CACNA1E: variants seen among roughly 807,000 people sequenced by gnomAD.
CACNA1E encodes voltage-dependent R-type calcium channel subunit alpha-1E.
CACNA1E carries 40 observed loss-of-function variants against 259.2 expected under a neutral mutation model. That is an observed-to-expected ratio of 0.15 (90% CI 0.12 to 0.20). CACNA1E has a LOEUF of 0.20. Ranked by LOEUF, CACNA1E falls within the 10% of genes least tolerant of loss-of-function variation. The pLI is 1.00. For synonymous variants in CACNA1E, 1,104 were observed against 1,138.5 expected, an observed-to-expected ratio of 0.97 and a Z score of 0.61; for missense variants, 1,874 against 3,040.1, an observed-to-expected ratio of 0.62 and a Z score of 9.02.
chr1:181,698,385 C>T (rs898136007), intron 7 of CACNA1E, among the ~76,000 whole-genome samples: 22 of 152,184 alleles, frequency 1.4e-4, no homozygotes, highest in African/African-American at 3.6e-4. Context: ...CCATACTAGG[C>T]GCCATGACTG....
chr1:181,678,826 G>T (rs1649635801), intron 7 of CACNA1E, among the ~76,000 whole-genome samples: 1 of 152,170 alleles, frequency 6.6e-6, no homozygotes, highest in Admixed American at 6.5e-5. Flanking sequence ...TTGATTAAAT[G>T]ATGTAATGAA....
rs1028123239 is a variant in CACNA1E at position 181,757,220 on chromosome 1, CTTGA to C, written c.4329+97_4329+100del. 36 of 810,828 alleles carry C rather than the reference CTTGA, an allele frequency of 4.4e-5. No individual in the cohort carries two copies. The African/African-American group carries it at 5.8e-4, about 13-fold the overall frequency. The allele number at this position is 810,828 out of a possible 1,614,324, so 50.2% of individuals were successfully genotyped here. ...AGAAAGGAGGACTGCATTTTCTTAA[CTTGA>C]TTAAGAATTATAGAGAGAAGATGGG... is the stretch of plus-strand genomic sequence containing the variant. On this transcript the variant is annotated intron_variant, in intron 30 of 47. Transcript: ENST00000367573.
chr1:181,747,109 A>G (rs1404026675), intron 25 of CACNA1E, among the ~76,000 whole-genome samples: 3 of 152,218 alleles, frequency 2.0e-5, no homozygotes, highest in African/African-American at 7.2e-5. Flanking sequence ...TGACCCCTCC[A>G]TCTACCTTTC....
Position 181,473,999 on chromosome 1 carries a change from A to G in CACNA1E, c.435-9745A>G, listed in dbSNP as rs529319222. ...GCATGGAGCCTTGCACATTGTAAGTATTTAATACCTAGGACAAATAATATT... is the reference window on the plus strand; with the variant it reads ...GCATGGAGCCTTGCACATTGTAAGTGTTTAATACCTAGGACAAATAATATT... On this transcript the variant is annotated intron_variant, in intron 2 of 11. Transcript: ENST00000524607. Among the ~76,000 whole-genome samples, 76 of 152,350 alleles carry G rather than the reference A, an allele frequency of 5.0e-4. 1 individual carries two copies. The South Asian group carries it at 0.015, about 29-fold the overall frequency.
intron 1 of CACNA1E, among the ~76,000 whole-genome samples, chr1:181,395,694 G>A (rs561941200): frequency 1.3e-5 from 2 of 152,176 alleles, no homozygotes; most frequent in African/African-American, 4.8e-5. Flanking sequence ...AGCGGCATGA[G>A]GGCCTCCAGC....
intron 1 of CACNA1E, among the ~76,000 whole-genome samples, chr1:181,395,834 G>A (rs1395887257): frequency 6.6e-6 from 1 of 152,248 alleles, no homozygotes; most frequent in Non-Finnish European, 1.5e-5. Context: ...GGGGGCAAGA[G>A]TGATCAATTA....
intron 3 of CACNA1E, among the ~76,000 whole-genome samples, chr1:181,576,299 C>T (rs956520336): frequency 2.0e-5 from 3 of 152,224 alleles, no homozygotes; most frequent in Non-Finnish European, 4.4e-5. Flanking sequence ...CTCTTTACTT[C>T]CTAATGATGC....
At chr1:181,733,845 G>A in intron 21 of CACNA1E, 95 bp downstream of exon 21, 1 of 920,138 alleles carries the variant, frequency 1.1e-6, no homozygotes, top group South Asian at 2.8e-5. Context: ...GCACCACCAG[G>A]AGGAGTAAAT....
chr1:181,719,009 A>G (rs1654187183), intron 12 of CACNA1E, among the ~76,000 whole-genome samples: 2 of 152,184 alleles, frequency 1.3e-5, no homozygotes, highest in African/African-American at 4.8e-5. Context: ...AAAGATTTTG[A>G]ACACTTGCTA....
chr1:181,641,422 C>T (rs1657734554), intron 6 of CACNA1E, among the ~76,000 whole-genome samples: 1 of 152,198 alleles, frequency 6.6e-6, no homozygotes, highest in Non-Finnish European at 1.5e-5. Flanking sequence ...CCACCAAAGG[C>T]AGCCCACTGT....
rs1435989250 is a variant in CACNA1E at position 181,734,686 on chromosome 1, C to A, written c.3262+936C>A. ...CCACACCCTACCCTTGCCCTGACCC[C>A]ATACCCGATCCCTGCCCTGACCCCA... On this transcript the variant is annotated intron_variant, in intron 21 of 47. Transcript: ENST00000367573. 4.2e-5 allele frequency among the ~76,000 whole-genome samples: 6 copies of A among 141,686 alleles called. 1 individual carries two copies. Among genetic ancestry groups the A allele is most frequent in the Admixed American group, 3.5e-4 (5 of 14,302 alleles). The allele number at this position is 141,686 out of a possible 152,430, so 93.0% of individuals were successfully genotyped here. A position where few individuals can be genotyped will look rare whatever the true frequency, so the allele number is the denominator to read the frequency against.
At chr1:181,376,600 G>A (rs1399765879) in intron 1 of CACNA1E, among the ~76,000 whole-genome samples, 1 of 152,208 alleles carries the variant, frequency 6.6e-6, no homozygotes, top group Non-Finnish European at 1.5e-5. Flanking sequence ...GCTTGGGGCA[G>A]GAGAGGGTGA....
chr1:181,611,340 A>G (rs1489407626), intron 6 of CACNA1E, among the ~76,000 whole-genome samples: 1 of 151,802 alleles, frequency 6.6e-6, no homozygotes, highest in African/African-American at 2.4e-5. Flanking sequence ...CATGGTGGGC[A>G]CTGCTCTAAG....
chr1:181,548,386 A>T (rs12028828), intron 3 of CACNA1E, among the ~76,000 whole-genome samples: 2,159 of 152,180 alleles, frequency 0.014, 64 homozygotes, highest in East Asian at 0.14. Flanking sequence ...TTGGCCTCCC[A>T]AAGTGCTGGG....
chr1:181,508,412 G>T (rs1005089596), intron 1 of CACNA1E, among the ~76,000 whole-genome samples: 3 of 152,252 alleles, frequency 2.0e-5, no homozygotes, highest in Middle Eastern at 3.4e-3. Context: ...TGGATCCATC[G>T]CCCAAGCATG....
chr1:181,351,835 A>T (rs550280253), intron 1 of CACNA1E, among the ~76,000 whole-genome samples: 1 of 152,282 alleles, frequency 6.6e-6, no homozygotes, highest in South Asian at 2.1e-4. Context: ...CCATCTCAAG[A>T]TCCTCAACTC....
At chr1:181,491,337 G>A (rs531588993) in intron 1 of CACNA1E, among the ~76,000 whole-genome samples, 10 of 152,254 alleles carry the variant, frequency 6.6e-5, no homozygotes, top group East Asian at 1.9e-4. Context: ...TCACCTGGAG[G>A]GCTTGTTAAA....
At chr1:181,447,579 T>G (rs1571895835) in intron 2 of CACNA1E, among the ~76,000 whole-genome samples, 1 of 151,012 alleles carries the variant, frequency 6.6e-6, no homozygotes, top group South Asian at 2.1e-4. Flanking sequence ...GATAGTAAAG[T>G]GTTTTAGTTT....
chr1:181,576,253 T>C (rs1650964086), intron 3 of CACNA1E, among the ~76,000 whole-genome samples: 1 of 152,226 alleles, frequency 6.6e-6, no homozygotes, highest in East Asian at 1.9e-4. Flanking sequence ...GAATCTCTAT[T>C]GGTTGTTTAA....
Sources: gnomAD v4.1 joint callset for allele counts (sites outside exome capture counted in the v4.1 genomes callset) on GRCh38, gnomAD v4.1.1 for gene constraint, MANE v1.5 for transcripts, NCBI Gene and HGNC (gene_info 2026-07-23, HGNC 2026-07-21) for gene names.